Variants in GPC5 observed in about 807,000 individuals in gnomAD.
GPC5 encodes the protein glypican-5.
GPC5 carries 47 observed loss-of-function variants against 53.9 expected under a neutral mutation model. The observed-to-expected ratio is 0.87, with a 90% CI of 0.69 to 1.11. The LOEUF is 1.11. GPC5 is among the 50% of genes most tolerant of loss of function. The probability of loss-of-function intolerance (pLI) is 0.00; values close to 1 mark genes in which losing one functional copy is unlikely to be tolerated. For missense variants in GPC5, 748 were observed against 713.1 expected (o/e 1.05, Z -0.56); for synonymous variants, 286 against 263.3 (o/e 1.09, Z -0.84).
At position 92,206,463 on chromosome 13, in the gene GPC5, G is replaced by A. The variant is rs924091458; in HGVS notation, c.1561+61474G>A. 1.5e-4 allele frequency among the ~76,000 whole-genome samples: 22 copies of A among 150,586 alleles called. No individual in the cohort carries two copies. In the East Asian group the frequency reaches 1.8e-3, roughly 13 times the overall value. ...CTCGGCTCCCAAAGTGCGGTGGCTG[G>A]AATGCAGCCACCGCACCCGGCTGTC... On this transcript the variant is annotated intron_variant, in intron 7 of 7. Coordinates refer to ENST00000377067, the MANE Select transcript of GPC5 (RefSeq NM_004466.6).
At chr13:91,462,237 T>G (rs1939234212) in intron 2 of GPC5, among the ~76,000 whole-genome samples, 1 of 152,172 alleles carries the variant, frequency 6.6e-6, no homozygotes, top group Non-Finnish European at 1.5e-5. Context: ...CTTTAAAGTT[T>G]TGACGTCACT....
chr13:91,856,250 C>T (rs889916392), intron 5 of GPC5, among the ~76,000 whole-genome samples: 7 of 151,464 alleles, frequency 4.6e-5, no homozygotes, highest in Non-Finnish European at 8.9e-5. Context: ...TGATGTTTTT[C>T]AAAGTTTCTG....
At chr13:92,797,271 A>G (rs1876719383) in intron 7 of GPC5, among the ~76,000 whole-genome samples, 1 of 151,966 alleles carries the variant, frequency 6.6e-6, no homozygotes, top group East Asian at 1.9e-4. Context: ...TAATCATAAG[A>G]CTCAACAAAA....
intron 2 of GPC5, among the ~76,000 whole-genome samples, chr13:91,669,159 T>C (rs2035185995): frequency 6.6e-6 from 1 of 152,042 alleles, no homozygotes; most frequent in African/African-American, 2.4e-5. Flanking sequence ...TGTGGTTACA[T>C]TGTATGAAGG....
intron 7 of GPC5, among the ~76,000 whole-genome samples, chr13:92,772,889 C>T (rs1423401882): frequency 6.6e-6 from 1 of 152,132 alleles, no homozygotes; most frequent in Non-Finnish European, 1.5e-5. Flanking sequence ...ATATATTTCA[C>T]ATACAATATT....
At chr13:92,166,951 C>CTA (rs2042034481) in intron 7 of GPC5, among the ~76,000 whole-genome samples, 11 of 55,984 alleles carry the variant, frequency 2.0e-4, no homozygotes, top group African/African-American at 4.4e-4. Flanking sequence ...CTCTCTCTCT[C>CTA]TCTCTCACAC....
chr13:91,571,839 T>G (rs9515942), intron 2 of GPC5, among the ~76,000 whole-genome samples: 83,610 of 91,108 alleles, frequency 0.92, 38,494 homozygotes, highest in East Asian at 0.93. Context: ...ACACATATAC[T>G]TGTGTGTATA....
chr13:91,901,759 C>T (rs1462195029), intron 5 of GPC5, among the ~76,000 whole-genome samples: 3 of 152,096 alleles, frequency 2.0e-5, no homozygotes, highest in Non-Finnish European at 4.4e-5. Flanking sequence ...AAGATAGCAA[C>T]ATTTTTACCA....
At chr13:92,381,678 A>G (rs2043740044) in intron 7 of GPC5, among the ~76,000 whole-genome samples, 1 of 151,556 alleles carries the variant, frequency 6.6e-6, no homozygotes, top group African/African-American at 2.4e-5. Flanking sequence ...AGAAGACATG[A>G]TTCGAAAACG....
chr13:91,502,275 T>G (rs1321515079), intron 2 of GPC5, among the ~76,000 whole-genome samples: 3 of 152,170 alleles, frequency 2.0e-5, no homozygotes, highest in Non-Finnish European at 4.4e-5. Flanking sequence ...CAATTTTGGC[T>G]TTTGTTGCCA....
intron 7 of GPC5, among the ~76,000 whole-genome samples, chr13:92,435,666 C>A (rs929805995): frequency 6.6e-6 from 1 of 152,136 alleles, no homozygotes; most frequent in Admixed American, 6.6e-5. Context: ...AAGGTTAACA[C>A]TGGGCATTGA....
At chr13:91,957,855 A>C (rs1020345775) in intron 6 of GPC5, among the ~76,000 whole-genome samples, 5 of 152,076 alleles carry the variant, frequency 3.3e-5, no homozygotes, top group Non-Finnish European at 5.9e-5. Flanking sequence ...TGAAAATTTA[A>C]ACCCCCGGTT....
chr13:91,968,257 T>A (rs1411224755), intron 6 of GPC5, among the ~76,000 whole-genome samples: 1 of 152,112 alleles, frequency 6.6e-6, no homozygotes, highest in Admixed American at 6.5e-5. Flanking sequence ...AGTTTTTTTT[T>A]ATGTTGTACA....
intron 7 of GPC5, among the ~76,000 whole-genome samples, chr13:92,525,026 G>A (rs1881218793): frequency 6.6e-6 from 1 of 152,010 alleles, no homozygotes. Context: ...AGAAAAACAA[G>A]TTCATGCATT....
intron 6 of GPC5, among the ~76,000 whole-genome samples, chr13:92,050,240 A>T (rs1015260604): frequency 1.3e-5 from 2 of 152,190 alleles, no homozygotes; most frequent in African/African-American, 4.8e-5. Context: ...TAGGTAAAAC[A>T]TATTTGAATT....
At chr13:92,437,556 T>G (rs1877360583) in intron 7 of GPC5, among the ~76,000 whole-genome samples, 1 of 152,176 alleles carries the variant, frequency 6.6e-6, no homozygotes, top group South Asian at 2.1e-4. Context: ...ATTCTTATAG[T>G]TGCGTTAAAT....
chr13:91,631,457 A>G (rs879522310), intron 2 of GPC5, among the ~76,000 whole-genome samples: 6 of 152,126 alleles, frequency 3.9e-5, no homozygotes, highest in African/African-American at 4.8e-5. Context: ...GGCAGAACCT[A>G]GTATGGACTC....
chr13:92,753,275 G>T (rs1313944783), intron 7 of GPC5, among the ~76,000 whole-genome samples: 1 of 152,138 alleles, frequency 6.6e-6, no homozygotes, highest in Non-Finnish European at 1.5e-5. Flanking sequence ...GCAGCTGAGG[G>T]TCCTGTCTGT....
intron 7 of GPC5, among the ~76,000 whole-genome samples, chr13:92,307,897 C>G (rs1394670567): frequency 6.6e-6 from 1 of 152,136 alleles, no homozygotes; most frequent in East Asian, 1.9e-4. Context: ...ATACTTCCAG[C>G]TTTTGTTATG....
Sources: gnomAD v4.1 joint callset for allele counts (sites outside exome capture counted in the v4.1 genomes callset) on GRCh38, gnomAD v4.1.1 for gene constraint, MANE v1.5 for transcripts, NCBI Gene and HGNC (gene_info 2026-07-23, HGNC 2026-07-21) for gene names.